Variants in ZNF512 observed in about 807,000 individuals in gnomAD.
The protein encoded by ZNF512 is zinc finger protein 512.
A neutral mutation model predicts 77.5 loss-of-function variants in ZNF512; 25 were observed. The observed-to-expected ratio is 0.32, with a 90% confidence interval of 0.23 to 0.45. The LOEUF is 0.45. Ranked by LOEUF, ZNF512 falls within the 20% of genes least tolerant of loss-of-function variation. The pLI, the probability that ZNF512 is intolerant of heterozygous loss-of-function variation, is 1.00. For missense variants in ZNF512, 483 were observed against 692.6 expected (o/e 0.70, Z 3.40); for synonymous variants, 246 against 239.9 (o/e 1.03, Z -0.24).
Position 27,600,844 on chromosome 2 carries a change from T to TA in ZNF512, c.582+30dup, listed in dbSNP as rs753144174. ...AGATATTTTGGCGTTTCATAACTGT[T>TA]ACGATATTTTTACCCAAACTTTAGA... On this transcript the variant is annotated intron_variant, in intron 6 of 13. Coordinates refer to ENST00000355467, the MANE Select transcript of ZNF512 (RefSeq NM_032434.4). The TA allele has an allele frequency of 1.2e-5, 19 of 1,599,538 alleles. No individual in the cohort carries two copies. The African/African-American group carries it at 2.4e-4, about 20-fold the overall frequency.
intron 11 of ZNF512, among the ~76,000 whole-genome samples, chr2:27,615,984 T>A (rs1012483839): frequency 6.6e-6 from 1 of 152,142 alleles, no homozygotes; most frequent in Admixed American, 6.5e-5. Context: ...AACTATATAA[T>A]TTTCTGTGTT....
At chr2:27,605,787 T>C (rs954694784) in intron 9 of ZNF512, among the ~76,000 whole-genome samples, 10 of 152,172 alleles carry the variant, frequency 6.6e-5, no homozygotes, top group Non-Finnish European at 1.0e-4. Flanking sequence ...AAAAGGTTTT[T>C]ATGTGAAAAT....
chr2:27,600,589 A>G, intron 5 of ZNF512, 102 bp from the exon 6 acceptor site: 1 of 1,421,314 alleles, frequency 7.0e-7, no homozygotes, highest in Non-Finnish European at 9.5e-7. Context: ...TACCAGGAAA[A>G]GGAAAAACCA....
chr2:27,600,048 C>G lies in ZNF512; in HGVS notation c.452C>G (p.Ala151Gly). The G allele has an allele frequency of 6.2e-7, 1 of 1,614,094 alleles. No individual in the cohort carries two copies. The highest frequency in any genetic ancestry group is 8.5e-7 in the Non-Finnish European group (1 of 1,179,974). The change falls in exon 5 of 14, where the codon GCA (alanine) becomes GGA (glycine). Residue 151 changes from alanine (A) to glycine (G), a missense_variant. By Grantham distance (60) the Ala-to-Gly change is moderately conservative (BLOSUM62 0). Around this residue, in one of 2 missense-constraint regions of ZNF512, gnomAD observed 324 missense variants for 525.0 expected, o/e 0.62. Transcript: ENST00000355467. Reference protein sequence around the residue: ...RRIRKEPPVYAAGSLEEQWYL... With the variant: ...RRIRKEPPVYGAGSLEEQWYL... Reference sequence around the variant, plus strand: ...ATTCGGAAGGAACCACCAGTTTATGCAGCAGGTATGTTTTCTTTTGGAAGT... The same window carrying G: ...ATTCGGAAGGAACCACCAGTTTATGGAGCAGGTATGTTTTCTTTTGGAAGT...
rs975618776 is a variant in ZNF512, at chr2:27,622,918, A to G, written c.*1457A>G. 3.3e-5 allele frequency: 5 copies of G among 152,820 alleles called. No homozygotes were observed. Among genetic ancestry groups the G allele is most frequent in the African/African-American group, 1.2e-4 (5 of 41,462 alleles). 9.5% of individuals were successfully genotyped at this position (152,820 alleles called of 1,614,324 possible). A position where few individuals can be genotyped will look rare whatever the true frequency, so the allele number is the denominator to read the frequency against. On this transcript the variant is annotated 3_prime_UTR_variant, in exon 14 of 14. Coordinates refer to ENST00000355467, the MANE Select transcript of ZNF512 (RefSeq NM_032434.4). ...GATACTGCCAGAATAGGTAGTTTTG[A>G]AACAAGTTAAGGACATGGTATATGC...
At chr2:27,586,729 T>C (rs761353493) in intron 2 of ZNF512, among the ~76,000 whole-genome samples, 8 of 152,232 alleles carry the variant, frequency 5.3e-5, no homozygotes, top group Non-Finnish European at 1.0e-4. Flanking sequence ...ATAAACATTT[T>C]CATCTCTCTC....
intron 10 of ZNF512, among the ~76,000 whole-genome samples, chr2:27,612,037 C>A (rs909327318): frequency 6.6e-6 from 1 of 152,060 alleles, no homozygotes; most frequent in Admixed American, 6.6e-5. Context: ...CAGTTTCCAT[C>A]GTTTTTTCTA....
At chr2:27,599,897 G>A (rs541173371) in intron 4 of ZNF512, 73 bp from the exon 5 acceptor site, 86 of 1,523,358 alleles carry the variant, frequency 5.6e-5, no homozygotes, top group Admixed American at 8.6e-5. Context: ...GGGTGTTGAA[G>A]AGGAGGAGAG....
chr2:27,619,481 T>G (rs570543541), intron 13 of ZNF512, among the ~76,000 whole-genome samples: 3 of 152,194 alleles, frequency 2.0e-5, no homozygotes, highest in Admixed American at 6.5e-5. Context: ...CCTAAAAAGT[T>G]AAAATCAAAA....
intron 10 of ZNF512, among the ~76,000 whole-genome samples, chr2:27,610,112 C>A (rs1235978732): frequency 6.6e-6 from 1 of 151,720 alleles, no homozygotes; most frequent in Non-Finnish European, 1.5e-5. Context: ...CGCCTGTAAT[C>A]ATAGCACTTT....
intron 9 of ZNF512, among the ~76,000 whole-genome samples, chr2:27,605,136 G>A (rs1242772835): frequency 2.6e-5 from 4 of 152,122 alleles, no homozygotes; most frequent in Non-Finnish European, 4.4e-5. Flanking sequence ...TGATGATTAC[G>A]AATAAAGCTG....
chr2:27,607,809 A>C (rs375946830), intron 9 of ZNF512, 36 bp from the exon 10 acceptor site: 3 of 1,602,256 alleles, frequency 1.9e-6, no homozygotes, highest in South Asian at 1.1e-5. Flanking sequence ...GATGCCACTT[A>C]TCAGGCCTGT....
Position 27,593,238 on chromosome 2 carries a change from AC to A in ZNF512, c.90-4828del, listed in dbSNP as rs1462859524. On this transcript the variant is annotated intron_variant, in intron 2 of 13. Transcript: ENST00000355467. ...CACACACACACACACACACACACAC[AC>A]ACACACAAAAGAATGAGCTGGGTAC... is the stretch of plus-strand genomic sequence containing the variant. Among the ~76,000 whole-genome samples the A allele has an allele frequency of 2.8e-4, 41 of 148,150 alleles. 1 individual carries two copies. The highest frequency in any genetic ancestry group is 6.4e-4 in the South Asian group (3 of 4,696).
In ZNF512 at chr2:27,616,339, A is replaced by G; in HGVS notation, c.1296+15A>G. On this transcript the variant is annotated intron_variant, in intron 12 of 13. Transcript: ENST00000355467. ...CTTGTACATTGGTTTGTAACTTTTT[A>G]AACTTACTATCTTAACATGTCCTCT... The G allele has an allele frequency of 6.2e-7, 1 of 1,604,904 alleles. No homozygotes were observed. Among genetic ancestry groups the G allele is most frequent in the Non-Finnish European group, 8.5e-7 (1 of 1,171,566 alleles).
At chr2:27,615,380 T>C (rs1672843314) in intron 11 of ZNF512, 111 bp downstream of exon 11, 2 of 649,164 alleles carry the variant, frequency 3.1e-6, no homozygotes, top group Non-Finnish European at 5.0e-6. Context: ...CTTAAAACAA[T>C]TATTTTATTT....
chr2:27,595,568 G>A lies in ZNF512; in HGVS notation c.90-2499G>A, dbSNP rs151188755. On this transcript the variant is annotated intron_variant, in intron 2 of 13. Coordinates refer to ENST00000355467, the MANE Select transcript of ZNF512 (RefSeq NM_032434.4). ...TCTCGAACTCCTGACCTTGTGATCCGCCTGCCTCGGCCTCCCAAAGTGCTG... is the reference window on the plus strand; with the variant it reads ...TCTCGAACTCCTGACCTTGTGATCCACCTGCCTCGGCCTCCCAAAGTGCTG... 9.8e-3 allele frequency among the ~76,000 whole-genome samples: 1,493 copies of A among 152,122 alleles called. 25 individuals are homozygous for A. Among genetic ancestry groups the A allele is most frequent in the African/African-American group, 0.033 (1,376 of 41,496 alleles).
At chr2:27,601,870 A>G (rs1672128758) in intron 7 of ZNF512, among the ~76,000 whole-genome samples, 1 of 152,198 alleles carries the variant, frequency 6.6e-6, no homozygotes, top group Non-Finnish European at 1.5e-5. Context: ...GCTGGTCTCG[A>G]TCTCCCAACC....
At chr2:27,599,761 T>G in intron 4 of ZNF512, 83 bp downstream of exon 4, 1 of 1,378,386 alleles carries the variant, frequency 7.3e-7, no homozygotes, top group South Asian at 1.2e-5. Context: ...AAGCCTTAGT[T>G]TGAGCCCTTC....
intron 10 of ZNF512, among the ~76,000 whole-genome samples, chr2:27,611,107 T>C (rs947411969): frequency 4.6e-5 from 7 of 152,192 alleles, no homozygotes; most frequent in Non-Finnish European, 1.0e-4. Context: ...ATATAAGCAA[T>C]GTATATTCTT....
Sources: allele counts gnomAD v4.1 joint callset (sites outside exome capture counted in the v4.1 genomes callset), GRCh38; gene constraint gnomAD v4.1.1; regional missense constraint gnomAD v4.1.1; transcripts MANE v1.5; gene names NCBI Gene and HGNC (gene_info 2026-07-23, HGNC 2026-07-21).